STXBP5L: variants seen among roughly 807,000 people sequenced by gnomAD.
STXBP5L encodes syntaxin-binding protein 5-like.
A neutral mutation model predicts 144.5 loss-of-function variants in STXBP5L; 65 were observed. The observed-to-expected ratio is 0.45, with a 90% CI of 0.37 to 0.55. The LOEUF (loss-of-function observed/expected upper bound fraction) is 0.55, where lower values mean the gene tolerates loss of function less well. Among genes scored for constraint, STXBP5L ranks in the 20% least tolerant of loss-of-function variants. STXBP5L has a pLI of 0.00. For missense variants in STXBP5L, 1,298 were observed against 1,405.5 expected (o/e 0.92, Z 1.22); for synonymous variants, 505 against 469.6 (o/e 1.08, Z -0.97).
chr3:121,371,679 T>C (rs535938500), intron 20 of STXBP5L, among the ~76,000 whole-genome samples: 1 of 152,332 alleles, frequency 6.6e-6, no homozygotes, highest in East Asian at 1.9e-4. Context: ...GCATTCATGC[T>C]AGTGGTGGTG....
At chr3:121,091,023 G>A (rs1056326724) in intron 5 of STXBP5L, among the ~76,000 whole-genome samples, 33 of 147,948 alleles carry the variant, frequency 2.2e-4, no homozygotes, top group African/African-American at 7.8e-4. Context: ...GTGAGAATAT[G>A]CGGTGTGTGG....
chr3:121,166,998 AC>A (rs756674951), intron 9 of STXBP5L, among the ~76,000 whole-genome samples: 1 of 118,212 alleles, frequency 8.5e-6, no homozygotes, highest in East Asian at 2.3e-4. Flanking sequence ...CAGAAAAAAA[AC>A]GAAGGAGCCT....
chr3:121,084,831 G>T (rs1414711499), intron 5 of STXBP5L, among the ~76,000 whole-genome samples: 1 of 152,110 alleles, frequency 6.6e-6, no homozygotes, highest in African/African-American at 2.4e-5. Context: ...ATTCCCACCA[G>T]CAGAGTAAAA....
At chr3:121,031,400 TCATC>T (rs1014024069) in intron 3 of STXBP5L, among the ~76,000 whole-genome samples, 72 of 83,984 alleles carry the variant, frequency 8.6e-4, no homozygotes, top group Middle Eastern at 5.4e-3. Context: ...TTCTGTCTAT[TCATC>T]AATCAATCAA....
rs557893415 is a variant in STXBP5L at position 121,154,153 on chromosome 3, C to T, written c.753+1593C>T. ...ATAAGGATTTGCAGCTGCCTTAGTA[C>T]AAATATATGTAATTTATACCTAGAA... On this transcript the variant is annotated intron_variant, in intron 8 of 26. Transcript: ENST00000471454. Among the ~76,000 whole-genome samples the T allele has an allele frequency of 5.3e-5, 8 of 151,750 alleles. No individual in the cohort carries two copies. The East Asian group carries it at 1.4e-3, about 26-fold the overall frequency.
chr3:121,223,235 T>C, intron 11 of STXBP5L, 78 bp downstream of exon 11: 1 of 1,411,622 alleles, frequency 7.1e-7, no homozygotes, highest in Non-Finnish European at 9.6e-7. Context: ...TAAGGTTAAA[T>C]ATTTTCAGAT....
chr3:121,136,400 G>A (rs2045259017), intron 7 of STXBP5L, among the ~76,000 whole-genome samples: 1 of 152,124 alleles, frequency 6.6e-6, no homozygotes, highest in Non-Finnish European at 1.5e-5. Flanking sequence ...CCCCAGCAAA[G>A]CAGACTCAGA....
chr3:121,066,362 G>GTATATA (rs35546907), intron 5 of STXBP5L, among the ~76,000 whole-genome samples: 3,330 of 146,110 alleles, frequency 0.023, 74 homozygotes, highest in African/African-American at 0.048. Context: ...TCCTATAAGC[G>GTATATA]TATATATATA....
At chr3:121,107,211 T>G (rs999408681) in intron 5 of STXBP5L, among the ~76,000 whole-genome samples, 6 of 152,056 alleles carry the variant, frequency 3.9e-5, no homozygotes, top group Non-Finnish European at 8.8e-5. Context: ...CAGAAGCTCT[T>G]TAGCTTAATT....
intron 2 of STXBP5L, among the ~76,000 whole-genome samples, chr3:120,944,838 A>G (rs1710763257): frequency 6.6e-6 from 1 of 151,838 alleles, no homozygotes; most frequent in Admixed American, 6.6e-5. Flanking sequence ...TTCATCCAAG[A>G]GAGCAGGAAA....
At chr3:121,072,848 C>T (rs371585243) in intron 5 of STXBP5L, among the ~76,000 whole-genome samples, 2 of 152,084 alleles carry the variant, frequency 1.3e-5, no homozygotes, top group Admixed American at 6.5e-5. Flanking sequence ...ATTTCCTTTC[C>T]TTCAGTAGTT....
rs369618750 is a variant in STXBP5L, at chr3:120,965,017, A to G, written c.287+9980A>G. On this transcript the variant is annotated intron_variant, in intron 3 of 26. Transcript: ENST00000471454. ...TTCTTGTTGAATTGATCCCTTTACC[A>G]TTATGTAATGGCCTTCTTTGTCTCT... is the stretch of plus-strand genomic sequence containing the variant. 4.7e-4 allele frequency among the ~76,000 whole-genome samples: 72 copies of G among 152,190 alleles called. No individual in the cohort carries two copies. In the East Asian group the frequency reaches 7.0e-3, roughly 15 times the overall value.
At chr3:121,396,094 A>C (rs1390243437) in intron 22 of STXBP5L, among the ~76,000 whole-genome samples, 1 of 152,192 alleles carries the variant, frequency 6.6e-6, no homozygotes, top group East Asian at 1.9e-4. Context: ...CCACCAAATC[A>C]GTTGTTCTGC....
At chr3:120,918,584 A>G (rs1169625014) in intron 2 of STXBP5L, among the ~76,000 whole-genome samples, 1 of 152,188 alleles carries the variant, frequency 6.6e-6, no homozygotes, top group African/African-American at 2.4e-5. Flanking sequence ...GCAGATAAGC[A>G]CTTCTCCTCA....
At chr3:121,256,794 C>T (rs889866329) in intron 16 of STXBP5L, among the ~76,000 whole-genome samples, 4 of 151,384 alleles carry the variant, frequency 2.6e-5, no homozygotes, top group African/African-American at 4.8e-5. Flanking sequence ...ATCAACTTCT[C>T]CTTTTATTTT....
At chr3:121,333,047 C>G (rs965430690) in intron 20 of STXBP5L, among the ~76,000 whole-genome samples, 2 of 152,116 alleles carry the variant, frequency 1.3e-5, no homozygotes, top group Non-Finnish European at 2.9e-5. Context: ...GAACTTGCCA[C>G]TACCACACCA....
intron 3 of STXBP5L, among the ~76,000 whole-genome samples, chr3:120,989,277 T>A (rs1942601270): frequency 1.3e-5 from 2 of 152,192 alleles, no homozygotes; most frequent in Non-Finnish European, 2.9e-5. Context: ...CCCTTTTCTG[T>A]GCATCCTCAT....
At chr3:121,358,328 C>T (rs958227425) in intron 20 of STXBP5L, among the ~76,000 whole-genome samples, 3 of 152,086 alleles carry the variant, frequency 2.0e-5, no homozygotes, top group Non-Finnish European at 2.9e-5. Flanking sequence ...TAAAGAACTA[C>T]CTGAGACTGG....
Position 121,259,100 on chromosome 3 carries a change from A to G in STXBP5L, c.1890A>G (p.Gln630=), listed in dbSNP as rs1355979836. The part of the protein sequence containing the change: ...PPGYQAELVI[Q]LVWVDGEPPQ... ...GATATCAAGCAGAACTTGTTATTCA[A>G]TTGGTGTGGGTAGATGGTGAACCTC... Residue 630 remains glutamine (Q), a synonymous_variant, in exon 18 of 27, where the codon CAA becomes CAG. Transcript: ENST00000471454. 3.1e-6 allele frequency: 5 copies of G among 1,606,664 alleles called. No individual in the cohort carries two copies. Among genetic ancestry groups the G allele is most frequent in the Non-Finnish European group, 8.5e-7 (1 of 1,175,696 alleles).
Sources: allele counts gnomAD v4.1 joint callset (sites outside exome capture counted in the v4.1 genomes callset), GRCh38; gene constraint gnomAD v4.1.1; transcripts MANE v1.5; gene names NCBI Gene and HGNC (gene_info 2026-07-23, HGNC 2026-07-21).